Variants in PCDH7 observed in about 807,000 individuals in gnomAD.
PCDH7 encodes protocadherin-7.
Under a neutral mutation model 58.9 loss-of-function variants are expected in PCDH7, and 17 were observed. The ratio of observed to expected loss-of-function variants is 0.29; its 90% CI spans 0.20 to 0.43. The LOEUF is 0.43. Ranked by LOEUF, PCDH7 falls within the 20% of genes least tolerant of loss-of-function variation. The pLI is 1.00. For synonymous variants in PCDH7, 664 were observed against 616.4 expected (o/e 1.08, Z -1.14); for missense variants, 1,274 against 1,441.0 (o/e 0.88, Z 1.88).
At chr4:30,737,124 T>G (rs977108877), downstream of PCDH7, among the ~76,000 whole-genome samples, 3 of 152,170 alleles carry the variant, frequency 2.0e-5, no homozygotes, top group African/African-American at 7.2e-5. Flanking sequence ...GATTGGCTGG[T>G]GTGACCTTGT....
At chr4:30,742,037 C>G (rs1001420279) in intron 1 of PCDH7, among the ~76,000 whole-genome samples, 8 of 152,272 alleles carry the variant, frequency 5.3e-5, no homozygotes, top group African/African-American at 1.9e-4. Context: ...GCTTGTGAGT[C>G]TTTGTATTCA....
At chr4:30,739,679 T>A (rs1207906798) in intron 1 of PCDH7, among the ~76,000 whole-genome samples, 1 of 152,188 alleles carries the variant, frequency 6.6e-6, no homozygotes, top group Non-Finnish European at 1.5e-5. Context: ...TATGTGTGTA[T>A]GTATTTATGT....
chr4:31,081,472 A>T (rs960762836), intron 3 of PCDH7, among the ~76,000 whole-genome samples: 1 of 152,226 alleles, frequency 6.6e-6, no homozygotes, highest in Non-Finnish European at 1.5e-5. Context: ...ACATTACATA[A>T]CATCTTCTTA....
At chr4:30,862,609 T>A (rs1734343143) in intron 1 of PCDH7, among the ~76,000 whole-genome samples, 1 of 152,204 alleles carries the variant, frequency 6.6e-6, no homozygotes, top group Non-Finnish European at 1.5e-5. Flanking sequence ...TTATGCCAAT[T>A]GCAAATATCC....
intron 3 of PCDH7, among the ~76,000 whole-genome samples, chr4:31,081,904 C>G (rs563525688): frequency 9.8e-4 from 149 of 152,110 alleles, no homozygotes; most frequent in Non-Finnish European, 1.7e-3. Context: ...TACTGAATAG[C>G]TGGGATTACA....
chr4:30,894,761 G>A (rs1463690253), intron 1 of PCDH7, among the ~76,000 whole-genome samples: 1 of 150,504 alleles, frequency 6.6e-6, no homozygotes, highest in Non-Finnish European at 1.5e-5. Context: ...AACTCCAGGA[G>A]TAAAAAGATC....
At chr4:31,030,730 A>G (rs1754833902) in intron 3 of PCDH7, among the ~76,000 whole-genome samples, 1 of 151,962 alleles carries the variant, frequency 6.6e-6, no homozygotes. Flanking sequence ...TTCAACAACA[A>G]TGACTTACTC....
chr4:30,966,485 A>C (rs1749005000), intron 3 of PCDH7, among the ~76,000 whole-genome samples: 1 of 152,206 alleles, frequency 6.6e-6, no homozygotes, highest in Non-Finnish European at 1.5e-5. Context: ...TTACAGAGTA[A>C]TAGCTCTTAA....
At chr4:30,822,120 C>T (rs1188548852) in intron 1 of PCDH7, among the ~76,000 whole-genome samples, 3 of 152,170 alleles carry the variant, frequency 2.0e-5, no homozygotes, top group South Asian at 2.1e-4. Context: ...CCGAGCATTT[C>T]CTCTCTCTTC....
chr4:30,907,615 G>T (rs577727200), intron 1 of PCDH7, among the ~76,000 whole-genome samples: 1 of 152,226 alleles, frequency 6.6e-6, no homozygotes, highest in African/African-American at 2.4e-5. Flanking sequence ...TGCTGGAGAG[G>T]ATGTAGAGAA....
chr4:31,125,453 G>A (rs747198641), intron 3 of PCDH7, among the ~76,000 whole-genome samples: 48 of 152,274 alleles, frequency 3.2e-4, no homozygotes, highest in Non-Finnish European at 3.7e-4. Flanking sequence ...ATTCAGCTTA[G>A]ACAAAGAAGA....
chr4:30,891,065 T>A (rs79750575), intron 1 of PCDH7, among the ~76,000 whole-genome samples: 2,693 of 152,238 alleles, frequency 0.018, 82 homozygotes, highest in African/African-American at 0.061. Context: ...ATTCTCTATC[T>A]GAATTTTTAT....
chr4:30,806,099 G>A (rs149006220), intron 1 of PCDH7, among the ~76,000 whole-genome samples: 45 of 152,180 alleles, frequency 3.0e-4, no homozygotes, highest in African/African-American at 9.9e-4. Context: ...TCAGATTTTT[G>A]GATTTGGGAT....
intron 3 of PCDH7, among the ~76,000 whole-genome samples, chr4:31,092,808 G>C (rs1402556088): frequency 3.3e-5 from 5 of 151,966 alleles, no homozygotes; most frequent in African/African-American, 7.2e-5. Context: ...CACTGATAAT[G>C]TTTCAAAGCA....
intron 1 of PCDH7, among the ~76,000 whole-genome samples, chr4:30,776,879 G>GTT (rs1285955581): frequency 6.6e-6 from 1 of 151,480 alleles, no homozygotes; most frequent in Non-Finnish European, 1.5e-5. Flanking sequence ...GTGTGTGTGT[G>GTT]TGTGTGTAAG....
chr4:31,010,162 A>T (rs1192883855), intron 3 of PCDH7, among the ~76,000 whole-genome samples: 1 of 151,962 alleles, frequency 6.6e-6, no homozygotes, highest in Non-Finnish European at 1.5e-5. Flanking sequence ...ACATTTATAA[A>T]GCTGGGAGGG....
chr4:30,954,597 G>A (rs967013842), intron 3 of PCDH7, among the ~76,000 whole-genome samples: 1 of 152,058 alleles, frequency 6.6e-6, no homozygotes, highest in African/African-American at 2.4e-5. Flanking sequence ...GCTGTTGAAG[G>A]GGTATGCCAT....
At chr4:31,051,551 C>G (rs1486749954) in intron 3 of PCDH7, among the ~76,000 whole-genome samples, 1 of 152,104 alleles carries the variant, frequency 6.6e-6, no homozygotes, top group African/African-American at 2.4e-5. Flanking sequence ...AGTTGCCATT[C>G]TACAATTATA....
chr4:31,109,278 A>G (rs1182328449), intron 3 of PCDH7, among the ~76,000 whole-genome samples: 1 of 152,368 alleles, frequency 6.6e-6, no homozygotes, highest in Non-Finnish European at 1.5e-5. Flanking sequence ...ATGGAGAATT[A>G]TGACCATTTT....
Sources: allele counts gnomAD v4.1 joint callset (sites outside exome capture counted in the v4.1 genomes callset), GRCh38; gene constraint gnomAD v4.1.1; transcripts MANE v1.5; gene names NCBI Gene and HGNC (gene_info 2026-07-23, HGNC 2026-07-21).